CNTNAP2: variants seen among roughly 807,000 people sequenced by gnomAD.
CNTNAP2 encodes contactin associated protein 2.
A neutral mutation model predicts 155.2 loss-of-function variants in CNTNAP2; 98 were observed. The observed-to-expected ratio is 0.63, with a 90% CI of 0.54 to 0.75. The LOEUF is 0.75. Ranked by LOEUF, CNTNAP2 falls within the 30% of genes least tolerant of loss-of-function variation. The pLI is 0.00. For missense variants in CNTNAP2, 1,727 were observed against 1,688.1 expected (o/e 1.02, Z -0.40); for synonymous variants, 651 against 631.2 (o/e 1.03, Z -0.47).
intron 1 of CNTNAP2, among the ~76,000 whole-genome samples, chr7:146,634,730 G>A (rs1799569631): frequency 6.6e-6 from 1 of 152,184 alleles, no homozygotes; most frequent in South Asian, 2.1e-4. Context: ...CAAACAAGAT[G>A]AGTCTAATCT....
In CNTNAP2 at chr7:147,311,757, T is replaced by C. The variant is rs1584864241; in HGVS notation, c.1498+11467T>C. ...ATTTTTGTTTGCATATCTAATACTC[T>C]ATGACAGAACAAGTAGGTAGAGGAG... On this transcript the variant is annotated intron_variant, in intron 9 of 23. Coordinates refer to ENST00000361727, the MANE Select transcript of CNTNAP2 (RefSeq NM_014141.6). 2.6e-5 allele frequency among the ~76,000 whole-genome samples: 4 copies of C among 152,270 alleles called. No individual in the cohort carries two copies. In the South Asian group the frequency reaches 8.3e-4, roughly 32 times the overall value.
At chr7:147,236,877 C>T (rs1049931907) in intron 8 of CNTNAP2, among the ~76,000 whole-genome samples, 2 of 151,954 alleles carry the variant, frequency 1.3e-5, no homozygotes, top group Non-Finnish European at 2.9e-5. Context: ...TTCCACAATG[C>T]TAAAGACTGA....
intron 3 of CNTNAP2, among the ~76,000 whole-genome samples, chr7:146,989,233 G>C (rs763958390): frequency 1.1e-4 from 16 of 152,070 alleles, no homozygotes; most frequent in Non-Finnish European, 2.4e-4. Context: ...GGATTGGGAA[G>C]AGATAAAACT....
chr7:148,283,272 A>T (rs1797011678), intron 21 of CNTNAP2, among the ~76,000 whole-genome samples: 1 of 100,396 alleles, frequency 1.0e-5, no homozygotes, highest in African/African-American at 4.7e-5. Flanking sequence ...AGAAAGAAAG[A>T]AAGAAAGAAA....
At chr7:148,409,244 G>A in intron 22 of CNTNAP2, 147 bp from the exon 23 acceptor site, 2 of 688,826 alleles carry the variant, frequency 2.9e-6, no homozygotes, top group Non-Finnish European at 2.6e-6. Flanking sequence ...TCTTGTGGGA[G>A]ACAATGGCAA....
At chr7:146,234,774 A>T (rs1291848254) in intron 1 of CNTNAP2, among the ~76,000 whole-genome samples, 1 of 152,220 alleles carries the variant, frequency 6.6e-6, no homozygotes, top group Non-Finnish European at 1.5e-5. Context: ...TGCACAGAGT[A>T]TTCTGAAATA....
rs73469087 is a variant in CNTNAP2 at position 147,091,388 on chromosome 7, C to T, written c.551-16759C>T. Among the ~76,000 whole-genome samples, 1,421 of 152,110 alleles carry T rather than the reference C, an allele frequency of 9.3e-3. 18 individuals carry two copies. Among genetic ancestry groups the T allele is most frequent in the African/African-American group, 0.033 (1,350 of 41,532 alleles). On this transcript the variant is annotated intron_variant, in intron 4 of 23. Transcript: ENST00000361727. ...TCAGCATGCTCTTTGTCGTGCCAAC[C>T]CTTGGAATGAAGGCATGTGCTATGA... is the stretch of plus-strand genomic sequence containing the variant.
chr7:146,709,571 T>C (rs1049715884), intron 1 of CNTNAP2, among the ~76,000 whole-genome samples: 2 of 152,190 alleles, frequency 1.3e-5, no homozygotes, highest in Non-Finnish European at 2.9e-5. Context: ...CGGAGAACCC[T>C]GTTGCTGAAT....
intron 8 of CNTNAP2, among the ~76,000 whole-genome samples, chr7:147,137,128 A>G (rs934509351): frequency 1.3e-5 from 2 of 151,628 alleles, no homozygotes; most frequent in East Asian, 1.9e-4. Context: ...CAACATATAT[A>G]CAATAACCAA....
chr7:147,010,007 C>CT (rs67223892), intron 3 of CNTNAP2, among the ~76,000 whole-genome samples: 8,888 of 123,648 alleles, frequency 0.072, 420 homozygotes, highest in Middle Eastern at 0.14. Context: ...TATCTTGGTT[C>CT]TTTTTTTTTT....
At chr7:146,450,835 A>T (rs1796468224) in intron 1 of CNTNAP2, among the ~76,000 whole-genome samples, 2 of 152,222 alleles carry the variant, frequency 1.3e-5, no homozygotes, top group African/African-American at 4.8e-5. Context: ...TAAATTAAGT[A>T]AGCAATTTTC....
intron 8 of CNTNAP2, among the ~76,000 whole-genome samples, chr7:147,268,564 ACAGATTGATGGCTGCAGCAAAC>A (rs568070788): frequency 2.0e-5 from 3 of 152,260 alleles, no homozygotes; most frequent in African/African-American, 7.2e-5. Context: ...AATGTAGATG[ACAGATTGATGGCTGCAGCAAAC>A]CACCATGGCA....
intron 13 of CNTNAP2, among the ~76,000 whole-genome samples, chr7:147,767,514 A>G (rs1797400805): frequency 6.6e-6 from 1 of 152,040 alleles, no homozygotes; most frequent in Non-Finnish European, 1.5e-5. Context: ...TTGCAAATAT[A>G]TTTACTTTCA....
rs114453976 is a variant in CNTNAP2, at chr7:147,836,676, G to A, written c.2099-66889G>A. The stretch of plus-strand genomic sequence containing the variant: ...CCTGCTGGACTGTCACTCTCTGACG[G>A]CAGGCACAGGACATTTTGCTCATCA... On this transcript the variant is annotated intron_variant, in intron 13 of 23. Coordinates refer to ENST00000361727, the MANE Select transcript of CNTNAP2 (RefSeq NM_014141.6). Among the ~76,000 whole-genome samples the A allele has an allele frequency of 8.1e-3, 1,235 of 152,258 alleles. 18 individuals are homozygous for A. Among genetic ancestry groups the A allele is most frequent in the African/African-American group, 0.027 (1,137 of 41,562 alleles).
chr7:146,664,201 G>A (rs528951579), intron 1 of CNTNAP2, among the ~76,000 whole-genome samples: 9 of 113,656 alleles, frequency 7.9e-5, no homozygotes, highest in Admixed American at 2.5e-4. Context: ...TCACTCTGTC[G>A]CCCAGGTTGG....
chr7:148,117,555 G>A (rs1276264104), intron 15 of CNTNAP2, among the ~76,000 whole-genome samples: 5 of 152,160 alleles, frequency 3.3e-5, no homozygotes, highest in Non-Finnish European at 7.4e-5. Flanking sequence ...AAAAGCAAGA[G>A]CAAACTACCA....
chr7:147,424,948 A>G (rs972863089), intron 10 of CNTNAP2, among the ~76,000 whole-genome samples: 2 of 151,944 alleles, frequency 1.3e-5, no homozygotes, highest in African/African-American at 4.8e-5. Flanking sequence ...CTTCATCTCC[A>G]TTGTATCCAC....
intron 4 of CNTNAP2, among the ~76,000 whole-genome samples, chr7:147,094,505 C>T (rs1429400947): frequency 1.3e-5 from 2 of 151,300 alleles, no homozygotes; most frequent in African/African-American, 4.9e-5. Flanking sequence ...GGGTTCACGC[C>T]ATTCTCCTGC....
chr7:146,151,480 G>C (rs1290404394), intron 1 of CNTNAP2, among the ~76,000 whole-genome samples: 1 of 149,774 alleles, frequency 6.7e-6, no homozygotes, highest in African/African-American at 2.4e-5. Context: ...ATATAAATGA[G>C]ATCATGTGGT....
Sources: gnomAD v4.1 joint callset for allele counts (sites outside exome capture counted in the v4.1 genomes callset) on GRCh38, gnomAD v4.1.1 for gene constraint, MANE v1.5 for transcripts, NCBI Gene and HGNC (gene_info 2026-07-23, HGNC 2026-07-21) for gene names.